Variants in ZHX1 observed in about 807,000 individuals in gnomAD.
The protein encoded by ZHX1 is zinc fingers and homeoboxes protein 1.
ZHX1 carries 20 observed loss-of-function variants against 61.8 expected under a neutral mutation model. That is an observed-to-expected ratio of 0.32 (90% CI 0.23 to 0.47). The LOEUF is 0.47. Among genes scored for constraint, ZHX1 ranks in the 20% least tolerant of loss-of-function variants. The pLI is 1.00. For missense variants in ZHX1, 800 were observed against 1,034.8 expected (o/e 0.77, Z 3.11); for synonymous variants, 318 against 352.6 (o/e 0.90, Z 1.10).
At chr8:123,264,985 T>G (rs1826407370) in intron 2 of ZHX1, among the ~76,000 whole-genome samples, 1 of 150,174 alleles carries the variant, frequency 6.7e-6, no homozygotes, top group Admixed American at 6.6e-5. Flanking sequence ...GGTCAGGAGT[T>G]TGAGACCAGC....
intron 2 of ZHX1, among the ~76,000 whole-genome samples, chr8:123,263,490 C>A (rs955306083): frequency 1.3e-5 from 2 of 152,030 alleles, no homozygotes; most frequent in East Asian, 1.9e-4. Flanking sequence ...CCACTATATT[C>A]CCAGGGCCCA....
chr8:123,251,669 T>G (rs993068083), intron 3 of ZHX1, among the ~76,000 whole-genome samples: 7 of 152,144 alleles, frequency 4.6e-5, no homozygotes, highest in Non-Finnish European at 8.8e-5. Flanking sequence ...ATAAAAAAAA[T>G]GCCTGTTAAA....
chr8:123,268,602 C>T (rs1826542508), intron 1 of ZHX1, among the ~76,000 whole-genome samples: 2 of 152,166 alleles, frequency 1.3e-5, no homozygotes. Flanking sequence ...AGCGATTCTC[C>T]TGCCTCAGCC....
rs1002178776 is a variant in ZHX1 at position 123,264,290 on chromosome 8, T to C, written c.-226+2983A>G. Among the ~76,000 whole-genome samples the C allele has an allele frequency of 7.2e-5, 11 of 152,196 alleles. 1 individual carries two copies. The highest frequency in any genetic ancestry group is 1.3e-4 in the Non-Finnish European group (9 of 68,008). Reference sequence around the variant, plus strand: ...ATGAGAAAACTATACTTTAACAGTGTTCTACTACATTTTAAAAAAGATTAA... The same window carrying C: ...ATGAGAAAACTATACTTTAACAGTGCTCTACTACATTTTAAAAAAGATTAA... On this transcript the variant is annotated intron_variant, in intron 2 of 3. Coordinates refer to ENST00000395571, the MANE Select transcript of ZHX1 (RefSeq NM_007222.5).
chr8:123,263,605 G>A (rs556248820), intron 2 of ZHX1, among the ~76,000 whole-genome samples: 1 of 152,234 alleles, frequency 6.6e-6, no homozygotes, highest in Admixed American at 6.5e-5. Context: ...GCCAAAGTGG[G>A]CAGATCAATT....
chr8:123,273,836 T>G (rs527591835), intron 1 of ZHX1: 1 of 152,532 alleles, frequency 6.6e-6, no homozygotes, highest in Admixed American at 6.5e-5. Context: ...CTCTCAACAA[T>G]CCTAAGTTGC....
intron 2 of ZHX1, among the ~76,000 whole-genome samples, chr8:123,260,791 C>T (rs181070741): frequency 1.3e-4 from 19 of 151,398 alleles, no homozygotes; most frequent in Admixed American, 2.6e-4. Flanking sequence ...CTGGCAGGGG[C>T]GCGGTGCATC....
chr8:123,267,484 T>C, intron 1 of ZHX1, 98 bp from the exon 2 acceptor site: 1 of 415,514 alleles, frequency 2.4e-6, no homozygotes. Flanking sequence ...ATAAATGTAA[T>C]TTTGAAAAAA....
intron 1 of ZHX1, among the ~76,000 whole-genome samples, chr8:123,267,942 A>G (rs1586833114): frequency 6.6e-6 from 1 of 152,372 alleles, no homozygotes; most frequent in South Asian, 2.1e-4. Context: ...CAGAGGTTGC[A>G]GTGAGCCGAG....
In ZHX1 at chr8:123,249,579, TTTCC is replaced by T. The variant is rs1392803513; in HGVS notation, c.*741_*744del. On this transcript the variant is annotated 3_prime_UTR_variant, in exon 4 of 4. Coordinates refer to ENST00000395571, the MANE Select transcript of ZHX1 (RefSeq NM_007222.5). ...TATCCAAATTACCATGTCAGTTTCT[TTTCC>T]TTCTTCAGAATTAATTTCCTGCAGT... is the stretch of plus-strand genomic sequence containing the variant. 2 of 152,170 alleles carry T rather than the reference TTTCC, an allele frequency of 1.3e-5. No homozygotes were observed. Among genetic ancestry groups the T allele is most frequent in the Non-Finnish European group, 2.9e-5 (2 of 67,984 alleles). 9.4% of individuals were successfully genotyped at this position (152,170 alleles called of 1,614,324 possible).
At position 123,255,308 on chromosome 8, in the gene ZHX1, T is replaced by A. The variant is rs1826039339; in HGVS notation, c.639A>T (p.Glu213Asp). Reference sequence around the variant, plus strand: ...CAATTTCTTCACGGTCTGGTTTGATTTCATTCTCTTTCTCTTCAGGAACGT... The same window carrying A: ...CAATTTCTTCACGGTCTGGTTTGATATCATTCTCTTTCTCTTCAGGAACGT... ...VEDVPEEKEN[E>D]IKPDREEIVE... Residue 213 changes from glutamate to aspartate, a missense_variant, in exon 3 of 4, where the codon GAA becomes GAT. Physicochemically the swap from Glu to Asp is conservative, Grantham distance 45. Transcript: ENST00000395571. The A allele has an allele frequency of 6.2e-7, 1 of 1,614,064 alleles. No homozygotes were observed. Among genetic ancestry groups the A allele is most frequent in the African/African-American group, 1.3e-5 (1 of 74,942 alleles).
At chr8:123,257,882 T>C (rs1826123539) in intron 2 of ZHX1, among the ~76,000 whole-genome samples, 1 of 152,196 alleles carries the variant, frequency 6.6e-6, no homozygotes, top group African/African-American at 2.4e-5. Context: ...CTTCTCCCTT[T>C]CATTTGGTCC....
Position 123,254,883 on chromosome 8 carries a change from T to C in ZHX1, c.1064A>G (p.Gln355Arg). The change falls in exon 3 of 4, where the codon CAA (glutamine) becomes CGA (arginine). Residue 355 changes from glutamine (Q) to arginine (R), a missense_variant. Physicochemically the swap from Gln to Arg is conservative, Grantham distance 43 (BLOSUM62 1). Transcript: ENST00000395571. This position sits in a 1 kb window ranked among gnomAD's most constrained non-coding sequence, Gnocchi z 4.1. ...PEEVEEARRKQFNGTVHTVPQ... is the reference protein window; with the variant it reads ...PEEVEEARRKRFNGTVHTVPQ... The stretch of plus-strand genomic sequence containing the variant: ...TACAGTATGCACTGTTCCATTGAAT[T>C]GTTTCCTTCTTGCCTCCTCTACTTC... 6.2e-7 allele frequency: 1 copy of C among 1,614,220 alleles called. No homozygotes were observed. The highest frequency in any genetic ancestry group is 2.2e-5 in the East Asian group (1 of 44,888).
chr8:123,274,917 G>A (rs1260523588), upstream of ZHX1, among the ~76,000 whole-genome samples: 2 of 152,136 alleles, frequency 1.3e-5, no homozygotes, highest in African/African-American at 2.4e-5. Context: ...CCCTCGGGGG[G>A]CTGCTGCGAG....
chr8:123,273,578 G>C (rs1417245894), intron 1 of ZHX1, among the ~76,000 whole-genome samples: 2 of 152,184 alleles, frequency 1.3e-5, no homozygotes, highest in Non-Finnish European at 2.9e-5. Context: ...GCCCCGAAAC[G>C]GGTGCGCATA....
At chr8:123,262,398 T>C (rs922641721) in intron 2 of ZHX1, among the ~76,000 whole-genome samples, 5 of 152,230 alleles carry the variant, frequency 3.3e-5, no homozygotes, top group Non-Finnish European at 5.9e-5. Context: ...TGAGGAAATA[T>C]GTATGCATGT....
At position 123,254,096 on chromosome 8, in the gene ZHX1, T is replaced by C. The variant is rs768566139; in HGVS notation, c.1851A>G (p.Thr617=). ...LTRREIDAWF[T]EKKKSKALKE... is the part of the protein sequence containing the mutation. ...TTAAAGCTTTTGATTTCTTCTTCTCTGTAAACCAAGCATCGATTTCTCTTC... is the reference window on the plus strand; with the variant it reads ...TTAAAGCTTTTGATTTCTTCTTCTCCGTAAACCAAGCATCGATTTCTCTTC... Residue 617 remains threonine, a synonymous_variant, in exon 3 of 4, where the codon ACA becomes ACG. Transcript: ENST00000395571. The surrounding 1 kb of genome is among the most constrained non-coding windows in gnomAD (Gnocchi z 4.1). 1.9e-6 allele frequency: 3 copies of C among 1,614,056 alleles called. No individual in the cohort carries two copies. The African/African-American group carries it at 4.0e-5, about 22-fold the overall frequency.
At chr8:123,258,848 G>A (rs1826158264) in intron 2 of ZHX1, among the ~76,000 whole-genome samples, 1 of 152,250 alleles carries the variant, frequency 6.6e-6, no homozygotes, top group Non-Finnish European at 1.5e-5. Flanking sequence ...TGTTTCTGAA[G>A]TCTAATCCAA....
chr8:123,258,200 G>A (rs1302279692), intron 2 of ZHX1, among the ~76,000 whole-genome samples: 1 of 152,134 alleles, frequency 6.6e-6, no homozygotes, highest in Non-Finnish European at 1.5e-5. Flanking sequence ...ACCAGTTCCT[G>A]CAGGAGCTGG....
Sources: allele counts gnomAD v4.1 joint callset (sites outside exome capture counted in the v4.1 genomes callset), GRCh38; gene constraint gnomAD v4.1.1; non-coding constraint Gnocchi (gnomAD v3.1); transcripts MANE v1.5; gene names NCBI Gene and HGNC (gene_info 2026-07-23, HGNC 2026-07-21).